The following TRIM42 variants were observed in gnomAD, a reference collection of about 807,000 sequenced individuals.
TRIM42 encodes the protein tripartite motif containing 42, also known as tripartite motif-containing protein 42.
TRIM42 carries 59 observed loss-of-function variants against 64.9 expected under a neutral mutation model. The ratio of observed to expected loss-of-function variants is 0.91; its 90% CI spans 0.74 to 1.13. The LOEUF (loss-of-function observed/expected upper bound fraction) is 1.13. TRIM42 is among the 50% of genes most tolerant of loss of function. The probability of loss-of-function intolerance (pLI) is 0.00; values close to 1 mark genes in which losing one functional copy is unlikely to be tolerated. For missense variants in TRIM42, 878 were observed against 929.5 expected (o/e 0.94, Z 0.72); for synonymous variants, 354 against 346.3 (o/e 1.02, Z -0.25).
Position 140,682,451 on chromosome 3 carries a change from T to G in TRIM42, c.342-11T>G. The stretch of plus-strand genomic sequence containing the variant: ...TGCCTCCTGAAACCCTGCCTTTGCT[T>G]CTCCTTTCAGCTCCAAGACTGCCCT... On this transcript the variant is annotated splice_polypyrimidine_tract_variant and intron_variant, in intron 1 of 4. Transcript: ENST00000286349. 6.2e-7 allele frequency: 1 copy of G among 1,605,082 alleles called. No individual in the cohort carries two copies. Among genetic ancestry groups the G allele is most frequent in the Non-Finnish European group, 8.5e-7 (1 of 1,173,672 alleles).
At chr3:140,690,944 C>G in intron 3 of TRIM42, 24 bp from the exon 4 acceptor site, 1 of 1,559,458 alleles carries the variant, frequency 6.4e-7, no homozygotes, top group Non-Finnish European at 8.8e-7. Context: ...TAGTACCACA[C>G]CAGTATGTTC....
intron 2 of TRIM42, among the ~76,000 whole-genome samples, chr3:140,686,014 G>T (rs1460797301): frequency 1.3e-5 from 2 of 152,130 alleles, no homozygotes; most frequent in Non-Finnish European, 2.9e-5. Flanking sequence ...TCTTGCAGAG[G>T]TTTCATATTT....
chr3:140,687,507 G>A (rs1352706092), intron 2 of TRIM42, among the ~76,000 whole-genome samples: 2 of 152,198 alleles, frequency 1.3e-5, no homozygotes, highest in Non-Finnish European at 2.9e-5. Flanking sequence ...ATATCCCAGA[G>A]AAGGATCAGA....
intron 1 of TRIM42, among the ~76,000 whole-genome samples, chr3:140,679,526 G>T (rs1205078491): frequency 6.6e-6 from 1 of 152,184 alleles, no homozygotes; most frequent in East Asian, 1.9e-4. Context: ...GTGAGCAAAG[G>T]TTTGGTGAAT....
chr3:140,691,735 C>A (rs1195379267), intron 4 of TRIM42, among the ~76,000 whole-genome samples: 2 of 152,166 alleles, frequency 1.3e-5, no homozygotes, highest in Non-Finnish European at 2.9e-5. Flanking sequence ...CTAAGCAGGT[C>A]AGTGTGCCTT....
chr3:140,690,988 A>G lies in TRIM42; in HGVS notation c.1881A>G (p.Ala627=), dbSNP rs1437081418. ...CATAGGTTTACTGGACATGTCCAGCAGAAGACGTGGACTCTTTTGAGATGG... is the reference window on the plus strand; with the variant it reads ...CATAGGTTTACTGGACATGTCCAGCGGAAGACGTGGACTCTTTTGAGATGG... The part of the protein sequence containing the change: ...RAAKVYWTCP[A]EDVDSFEMEF... Residue 627 remains alanine (A), a synonymous_variant, in exon 4 of 5, where the codon GCA becomes GCG. Transcript: ENST00000286349. The G allele has an allele frequency of 1.9e-6, 3 of 1,613,808 alleles. No individual in the cohort carries two copies. The African/African-American group carries it at 4.0e-5, about 22-fold the overall frequency.
intron 4 of TRIM42, among the ~76,000 whole-genome samples, chr3:140,694,556 C>G (rs569643638): frequency 2.6e-5 from 4 of 152,288 alleles, no homozygotes; most frequent in Admixed American, 1.3e-4. Context: ...CAGCTGACTT[C>G]CATGAAAGCT....
chr3:140,688,170 G>A lies in TRIM42; in HGVS notation c.1488G>A (p.Lys496=). 1 of 1,614,146 alleles carries A rather than the reference G, an allele frequency of 6.2e-7. No individual in the cohort carries two copies. The highest frequency in any genetic ancestry group is 1.1e-5 in the South Asian group (1 of 91,080). ...IHELFPTGPK[K]VRSSGDSLPS... is the part of the protein sequence containing the mutation. ...AGCTCTTCCCCACAGGGCCCAAGAA[G>A]GTACGCTCCTCAGGGGACTCCCTGC... The change falls in exon 3 of 5, where the codon AAG becomes AAA. Residue 496 remains lysine (K), a synonymous_variant. Transcript: ENST00000286349.
intron 4 of TRIM42, among the ~76,000 whole-genome samples, chr3:140,694,973 A>G: frequency 6.6e-6 from 1 of 152,152 alleles, no homozygotes; most frequent in East Asian, 1.9e-4. Flanking sequence ...GGCCAGGTGC[A>G]GTGGCTCACA....
Position 140,687,712 on chromosome 3 carries a change from A to AT in TRIM42, c.1040-5dup. ...AAATTTTAAAAGTAACTAACTTGGC[A>AT]TTTTTGCAGTCCGATATGAAATTGA... On this transcript the variant is annotated splice_polypyrimidine_tract_variant and intron_variant, in intron 2 of 4. Coordinates refer to ENST00000286349, the MANE Select transcript of TRIM42 (RefSeq NM_152616.5). The AT allele has an allele frequency of 6.3e-7, 1 of 1,588,986 alleles. No homozygotes were observed. The highest frequency in any genetic ancestry group is 1.2e-5 in the South Asian group (1 of 86,352).
At chr3:140,697,342 A>T (rs1346484090) in intron 4 of TRIM42, among the ~76,000 whole-genome samples, 1 of 152,182 alleles carries the variant, frequency 6.6e-6, no homozygotes, top group East Asian at 1.9e-4. Flanking sequence ...CTTAATTTTG[A>T]TATAATCAAA....
chr3:140,678,712 C>A, intron 1 of TRIM42, 142 bp downstream of exon 1: 1 of 669,094 alleles, frequency 1.5e-6, no homozygotes, highest in Non-Finnish European at 2.5e-6. Flanking sequence ...AATTTTGTAG[C>A]AATTAATTGT....
intron 1 of TRIM42, among the ~76,000 whole-genome samples, chr3:140,680,207 G>GC (rs1283244733): frequency 6.6e-6 from 1 of 152,092 alleles, no homozygotes; most frequent in Non-Finnish European, 1.5e-5. Context: ...TGGAGGATGG[G>GC]CAGGGATGCT....
rs113673861 is a variant in TRIM42, at chr3:140,682,845, G to C, written c.725G>C (p.Arg242Pro). Residue 242 changes from arginine (R) to proline (P), a missense_variant, in exon 2 of 5, where the codon CGC becomes CCC. Arg to Pro is a moderately radical substitution (Grantham distance 103, BLOSUM62 -2). Coordinates refer to ENST00000286349, the MANE Select transcript of TRIM42 (RefSeq NM_152616.5). ...SSGPILCQVC[R>P]NKRIAYKRCI... ...GGGCCCATCCTCTGCCAGGTCTGCC[G>C]CAACAAGCGCATCGCTTACAAGCGC... is the stretch of plus-strand genomic sequence containing the variant. The C allele has an allele frequency of 3.7e-6, 6 of 1,614,128 alleles. No homozygotes were observed. The highest frequency in any genetic ancestry group is 1.3e-5 in the African/African-American group (1 of 75,066).
At chr3:140,681,686 G>C (rs1360287726) in intron 1 of TRIM42, among the ~76,000 whole-genome samples, 1 of 151,998 alleles carries the variant, frequency 6.6e-6, no homozygotes, top group Non-Finnish European at 1.5e-5. Flanking sequence ...AGTTGGACAA[G>C]ATTGAATTTA....
rs182668854 is a variant in TRIM42 at position 140,687,732 on chromosome 3, A to G, written c.1050A>G (p.Glu350=). The change falls in exon 3 of 5, where the codon GAA becomes GAG. Residue 350 remains glutamate, a synonymous_variant. Transcript: ENST00000286349. ...AIAKFKAVRY[E]IDNDLMEFNI... ...TTGGCATTTTTGCAGTCCGATATGA[A>G]ATTGATAATGACCTAATGGAATTCA... 578 of 1,602,984 alleles carry G rather than the reference A, an allele frequency of 3.6e-4. No individual in the cohort carries two copies. Among genetic ancestry groups the G allele is most frequent in the Admixed American group, 1.1e-3 (64 of 57,906 alleles).
In TRIM42 at chr3:140,678,459, A is replaced by C. The variant is rs746097899; in HGVS notation, c.230A>C (p.Lys77Thr). ...CCSWANDPNC[K>T]CCCTASSNLN... ...TCTTGGGCCAATGATCCCAACTGTA[A>C]GTGCTGCTGCACAGCCAGCAGCAAT... Residue 77 changes from lysine (K) to threonine (T), a missense_variant, in exon 1 of 5, where the codon AAG (lysine) becomes ACG (threonine). Coordinates refer to ENST00000286349, the MANE Select transcript of TRIM42 (RefSeq NM_152616.5). 6.2e-6 allele frequency: 10 copies of C among 1,613,978 alleles called. No homozygotes were observed. The highest frequency in any genetic ancestry group is 8.5e-7 in the Non-Finnish European group (1 of 1,180,012).
At chr3:140,688,830 A>G (rs1374736353) in intron 3 of TRIM42, among the ~76,000 whole-genome samples, 1 of 152,232 alleles carries the variant, frequency 6.6e-6, no homozygotes, top group Admixed American at 6.5e-5. Flanking sequence ...CTGAAAGAGA[A>G]CCCAATTTGG....
intron 4 of TRIM42, among the ~76,000 whole-genome samples, chr3:140,698,575 G>A (rs1988916330): frequency 1.3e-5 from 2 of 152,098 alleles, no homozygotes; most frequent in Non-Finnish European, 2.9e-5. Context: ...ATTTTACTTT[G>A]TATACATATG....
Sources: allele counts gnomAD v4.1 joint callset (sites outside exome capture counted in the v4.1 genomes callset), GRCh38; gene constraint gnomAD v4.1.1; transcripts MANE v1.5; gene names NCBI Gene and HGNC (gene_info 2026-07-23, HGNC 2026-07-21).